Variants in OSMR observed in about 807,000 individuals in gnomAD.
OSMR encodes oncostatin M receptor.
In OSMR, 81 loss-of-function variants were observed where a neutral mutation model predicts 99.9. That is an observed-to-expected ratio of 0.81 (90% CI 0.68 to 0.97). OSMR has a LOEUF of 0.97. Among genes scored for constraint, OSMR ranks in the 50% least tolerant of loss-of-function variants. OSMR has a pLI of 0.00. For synonymous variants in OSMR, 406 were observed against 410.4 expected (o/e 0.99, Z 0.13); for missense variants, 1,099 against 1,153.4 (o/e 0.95, Z 0.68).
At chr5:38,913,121 A>G (rs1206762447) in intron 9 of OSMR, among the ~76,000 whole-genome samples, 1 of 152,200 alleles carries the variant, frequency 6.6e-6, no homozygotes, top group African/African-American at 2.4e-5. Flanking sequence ...AAAAGATACT[A>G]TCAAAAGAGT....
chr5:38,901,057 T>A (rs954916898), intron 7 of OSMR, among the ~76,000 whole-genome samples: 1 of 152,210 alleles, frequency 6.6e-6, no homozygotes, highest in Admixed American at 6.5e-5. Context: ...CAATGGCCCA[T>A]GAGTCTGTGA....
chr5:38,900,840 C>T (rs1744844284), intron 7 of OSMR, among the ~76,000 whole-genome samples: 1 of 152,150 alleles, frequency 6.6e-6, no homozygotes, highest in Non-Finnish European at 1.5e-5. Flanking sequence ...GTTTTGTTTT[C>T]AGGCATTGGT....
chr5:38,875,176 A>G (rs1211581747), intron 2 of OSMR, among the ~76,000 whole-genome samples: 3 of 152,206 alleles, frequency 2.0e-5, no homozygotes, highest in Non-Finnish European at 4.4e-5. Flanking sequence ...GATTTTATCG[A>G]TGCAGGCTTT....
rs1177207854 is a variant in OSMR at position 38,941,587 on chromosome 5, G to A, written c.75-2614G>A. 10 of 231,020 alleles carry A rather than the reference G, an allele frequency of 4.3e-5. 1 individual carries two copies. The South Asian group carries it at 1.1e-3, about 25-fold the overall frequency. The allele number at this position is 231,020 out of a possible 1,614,324, so 14.3% of individuals were successfully genotyped here. On this transcript the variant is annotated intron_variant and NMD_transcript_variant, in intron 1 of 2. Transcript: ENST00000508882. ...AAAATGATTTTTAAATTTTATTCAA[G>A]AACTGTAGTGAAAAACCTTAATTGG...
At chr5:38,877,896 G>A (rs536817044) in intron 3 of OSMR, among the ~76,000 whole-genome samples, 3 of 152,066 alleles carry the variant, frequency 2.0e-5, no homozygotes, top group Non-Finnish European at 4.4e-5. Flanking sequence ...TTTGATTCCC[G>A]TAAGAGTCCT....
chr5:38,913,600 C>T (rs942026336), intron 9 of OSMR, among the ~76,000 whole-genome samples: 5 of 150,424 alleles, frequency 3.3e-5, no homozygotes, highest in African/African-American at 7.3e-5. Flanking sequence ...GTTCTGAAGA[C>T]ATACAAGCAG....
intron 1 of OSMR, among the ~76,000 whole-genome samples, chr5:38,855,544 C>T (rs764630799): frequency 8.5e-5 from 13 of 152,124 alleles, no homozygotes; most frequent in Non-Finnish European, 4.4e-5. Flanking sequence ...CTGTTGTAGC[C>T]ATCCATGATG....
intron 1 of OSMR, among the ~76,000 whole-genome samples, chr5:38,858,224 C>CT (rs546376845): frequency 5.4e-4 from 82 of 152,228 alleles, no homozygotes; most frequent in African/African-American, 1.8e-3. Flanking sequence ...TTCCTCCAAT[C>CT]TAACTGCATG....
chr5:38,931,658 AAT>A, intron 15 of OSMR: 1 of 329,332 alleles, frequency 3.0e-6, no homozygotes, highest in Non-Finnish European at 4.3e-6. Context: ...GATAGTAACA[AAT>A]TTGAGACACA....
chr5:38,901,212 C>T (rs1002061697), intron 7 of OSMR, among the ~76,000 whole-genome samples: 3 of 152,214 alleles, frequency 2.0e-5, no homozygotes, highest in African/African-American at 7.2e-5. Flanking sequence ...GCCCAATGGA[C>T]CCCATCTGCT....
chr5:38,931,642 G>T (rs888267416), intron 15 of OSMR: 1 of 231,218 alleles, frequency 4.3e-6, no homozygotes, highest in African/African-American at 2.3e-5. Context: ...TCTATCAGAA[G>T]AGATAGATAG....
At chr5:38,898,950 C>CTTTTTTTTTTTTTTTTTTTTTTTTTTTTT (rs58159819) in intron 7 of OSMR, among the ~76,000 whole-genome samples, 5 of 78,286 alleles carry the variant, frequency 6.4e-5, no homozygotes, top group African/African-American at 3.1e-4. Context: ...TACATAATAT[C>CTTTTTTTTTTTTTTTTTTTTTTTTTTTTT]TTTTTTTTTT....
intron 1 of OSMR, chr5:38,942,147 C>A: frequency 2.3e-6 from 1 of 431,290 alleles, no homozygotes; most frequent in Admixed American, 3.9e-5. Flanking sequence ...TTAGGAAAGT[C>A]AGCAGTTCCA....
chr5:38,863,463 G>A (rs1180675254), intron 1 of OSMR, among the ~76,000 whole-genome samples: 1 of 152,110 alleles, frequency 6.6e-6, no homozygotes, highest in African/African-American at 2.4e-5. Flanking sequence ...CATGAACCAG[G>A]GAGGCAGAGG....
intron 1 of OSMR, chr5:38,942,749 C>T: frequency 8.7e-7 from 1 of 1,143,990 alleles, no homozygotes; most frequent in Non-Finnish European, 1.3e-6. Flanking sequence ...AGTCACCACA[C>T]CCAGCTATAA....
At chr5:38,855,538 T>G (rs991071861) in intron 1 of OSMR, among the ~76,000 whole-genome samples, 3 of 152,140 alleles carry the variant, frequency 2.0e-5, no homozygotes, top group African/African-American at 7.2e-5. Context: ...TCAAAACTGT[T>G]GTAGCCATCC....
chr5:38,913,844 C>T (rs2112603676), intron 9 of OSMR, among the ~76,000 whole-genome samples: 1 of 152,276 alleles, frequency 6.6e-6, no homozygotes, highest in African/African-American at 2.4e-5. Context: ...AACGTTTTTG[C>T]ACAGAAGGAG....
At position 38,934,381 on chromosome 5, in the gene OSMR, T is replaced by C. The variant is rs1746920701; in HGVS notation, c.*937T>C. ...CATTTATATTCATATTATGCTAAAA[T>C]AGTAAAATGAAACCTCATTGTTGGA... On this transcript the variant is annotated 3_prime_UTR_variant, in exon 18 of 18. Coordinates refer to ENST00000274276, the MANE Select transcript of OSMR (RefSeq NM_003999.3). 6.6e-6 allele frequency: 1 copy of C among 152,294 alleles called. No individual in the cohort carries two copies. The highest frequency in any genetic ancestry group is 1.5e-5 in the Non-Finnish European group (1 of 68,040). The allele number at this position is 152,294 out of a possible 1,614,324, so 9.4% of individuals were successfully genotyped here. A position where few individuals can be genotyped will look rare whatever the true frequency, so the allele number is the denominator to read the frequency against.
In OSMR at chr5:38,886,029, G is replaced by A. The variant is rs779720179; in HGVS notation, c.840-10G>A. 3 of 1,612,526 alleles carry A rather than the reference G, an allele frequency of 1.9e-6. No individual in the cohort carries two copies. The highest frequency in any genetic ancestry group is 8.5e-7 in the Non-Finnish European group (1 of 1,179,706). On this transcript the variant is annotated splice_polypyrimidine_tract_variant and intron_variant, in intron 6 of 17. Coordinates refer to ENST00000274276, the MANE Select transcript of OSMR (RefSeq NM_003999.3). ...CGTAATGGTTGTGTTATTTTGTTTT[G>A]TTTTTAAAGATTTTCTGGGGAAAAG...
Sources: gnomAD v4.1 joint callset for allele counts (sites outside exome capture counted in the v4.1 genomes callset) on GRCh38, gnomAD v4.1.1 for gene constraint, MANE v1.5 for transcripts, NCBI Gene and HGNC (gene_info 2026-07-23, HGNC 2026-07-21) for gene names.